Variants in CAST observed in about 807,000 individuals in gnomAD.
CAST encodes the protein MIR583 host.
Under a neutral mutation model 119.6 loss-of-function variants are expected in CAST, and 76 were observed. The ratio of observed to expected loss-of-function variants is 0.64; its 90% confidence interval spans 0.53 to 0.77. The LOEUF (loss-of-function observed/expected upper bound fraction) is 0.77. CAST is among the 30% of genes least tolerant of loss of function. CAST has a pLI of 0.00. For synonymous variants in CAST, 319 were observed against 331.6 expected (o/e 0.96, Z 0.41); for missense variants, 953 against 946.5 (o/e 1.01, Z -0.09).
intron 4 of CAST, among the ~76,000 whole-genome samples, chr5:96,725,462 GTTAT>G: frequency 6.6e-6 from 1 of 152,308 alleles, no homozygotes; most frequent in South Asian, 2.1e-4. Context: ...TCTTTAGGGA[GTTAT>G]TTAACTGCTC....
At chr5:96,314,740 C>T in the CAST span, among the ~76,000 whole-genome samples, 1 of 152,122 alleles carries the variant, frequency 6.6e-6, no homozygotes, top group Non-Finnish European at 1.5e-5. Context: ...AGTCCTATTA[C>T]GTTGCTCTGT....
the CAST span, among the ~76,000 whole-genome samples, chr5:96,251,582 T>C: frequency 1.3e-5 from 2 of 152,144 alleles, no homozygotes; most frequent in Non-Finnish European, 2.9e-5. Context: ...AATTTGCACC[T>C]GGTCTCTGAA....
the CAST span, among the ~76,000 whole-genome samples, chr5:96,335,233 T>C: frequency 9.5e-3 from 1,446 of 152,332 alleles, 31 homozygotes; most frequent in African/African-American, 0.034. Context: ...TTTAAAGAGT[T>C]ACCTATACTC....
chr5:96,455,853 C>CT, the CAST span, among the ~76,000 whole-genome samples: 1 of 152,228 alleles, frequency 6.6e-6, no homozygotes, highest in East Asian at 1.9e-4. Flanking sequence ...TTGATTTGTT[C>CT]TTTTTTTCTG....
chr5:96,308,874 C>T, the CAST span: 3 of 152,330 alleles, frequency 2.0e-5, no homozygotes. Context: ...CAGAGTTCTC[C>T]TGTATGAGGT....
the CAST span, chr5:96,412,565 C>T: frequency 1.5e-6 from 2 of 1,325,378 alleles, no homozygotes; most frequent in Non-Finnish European, 1.1e-6. Context: ...AATACTCTTA[C>T]TATTTGTATT....
chr5:96,304,499 G>C, the CAST span, among the ~76,000 whole-genome samples: 18 of 152,226 alleles, frequency 1.2e-4, 1 homozygote, highest in South Asian at 3.5e-3. Flanking sequence ...ATTGCTTTTG[G>C]TGTTTTAATC....
At chr5:96,712,325 C>G (rs1756334687) in intron 3 of CAST, among the ~76,000 whole-genome samples, 1 of 150,144 alleles carries the variant, frequency 6.7e-6, no homozygotes, top group South Asian at 2.1e-4. Context: ...AACTTTTTTT[C>G]TTTTCTTTTC....
the CAST span, among the ~76,000 whole-genome samples, chr5:96,058,179 T>C: frequency 0.056 from 8,512 of 152,174 alleles, 329 homozygotes; most frequent in Non-Finnish European, 0.087. Context: ...AATTAGAGAC[T>C]GAGGCTCCTA....
At chr5:96,030,206 T>A in the CAST span, among the ~76,000 whole-genome samples, 1 of 152,320 alleles carries the variant, frequency 6.6e-6, no homozygotes, top group East Asian at 1.9e-4. Flanking sequence ...TTACTGATTT[T>A]CAGAAATGTG....
chr5:96,334,425 G>A, the CAST span, among the ~76,000 whole-genome samples: 10 of 152,080 alleles, frequency 6.6e-5, no homozygotes, highest in Admixed American at 4.6e-4. Context: ...AGGTGGCCTG[G>A]TTCTCACTAC....
the CAST span, among the ~76,000 whole-genome samples, chr5:96,452,640 TAAAA>T: frequency 1.2e-3 from 107 of 90,134 alleles, no homozygotes; most frequent in African/African-American, 4.7e-3. Flanking sequence ...TAAAGTATAA[TAAAA>T]AAAAAAAAAA....
the CAST span, among the ~76,000 whole-genome samples, chr5:96,498,719 G>A: frequency 1.6e-4 from 25 of 152,278 alleles, no homozygotes; most frequent in South Asian, 5.0e-3. Flanking sequence ...TTTTCCTTCA[G>A]TGAAACAATG....
the CAST span, among the ~76,000 whole-genome samples, chr5:96,414,274 T>C: frequency 8.0e-4 from 122 of 152,264 alleles, no homozygotes; most frequent in South Asian, 4.1e-3. Flanking sequence ...TTCATGATAG[T>C]CTATATGCAG....
At chr5:96,680,496 CTTATT>C (rs1312136346) in intron 2 of CAST, among the ~76,000 whole-genome samples, 1 of 149,136 alleles carries the variant, frequency 6.7e-6, no homozygotes, top group African/African-American at 2.5e-5. Flanking sequence ...TCTTTGTTTG[CTTATT>C]TTGTTTACTG....
the CAST span, among the ~76,000 whole-genome samples, chr5:96,467,888 C>T: frequency 6.6e-6 from 1 of 151,986 alleles, no homozygotes; most frequent in African/African-American, 2.4e-5. Context: ...TACTGGGTAT[C>T]TACCCAAAGG....
At chr5:96,420,787 A>AAGTG in the CAST span, among the ~76,000 whole-genome samples, 3 of 143,352 alleles carry the variant, frequency 2.1e-5, no homozygotes, top group Non-Finnish European at 4.6e-5. Context: ...GAGAGAGAGA[A>AAGTG]AGAGAGAGAG....
intron 5 of CAST, 49 bp downstream of exon 5, chr5:96,726,908 T>A (rs1759356335): frequency 7.7e-7 from 1 of 1,291,250 alleles, no homozygotes; most frequent in East Asian, 2.3e-5. Flanking sequence ...AACGGTTACA[T>A]CACCCGCTCA....
chr5:96,743,598 C>G, intron 16 of CAST: 1 of 1,604,768 alleles, frequency 6.2e-7, no homozygotes, highest in African/African-American at 1.3e-5. Context: ...CAGCAACAAT[C>G]CTTGAGTCTG....
Sources: gnomAD v4.1 joint callset for allele counts (sites outside exome capture counted in the v4.1 genomes callset) on GRCh38, gnomAD v4.1.1 for gene constraint, MANE v1.5 for transcripts, NCBI Gene and HGNC (gene_info 2026-07-23, HGNC 2026-07-21) for gene names.